The following ANKRD44 variants were observed in gnomAD, a reference collection of about 807,000 sequenced individuals.
The protein encoded by ANKRD44 is ankyrin repeat domain 44.
Under a neutral mutation model 116.0 loss-of-function variants are expected in ANKRD44, and 35 were observed. The ratio of observed to expected loss-of-function variants is 0.30; its 90% CI spans 0.23 to 0.40. The LOEUF (loss-of-function observed/expected upper bound fraction) is 0.40, where lower values mean the gene tolerates loss of function less well. Among genes scored for constraint, ANKRD44 ranks in the 10% least tolerant of loss-of-function variants. ANKRD44 has a pLI of 1.00. For synonymous variants in ANKRD44, 435 were observed against 461.8 expected (o/e 0.94, Z 0.74); for missense variants, 1,014 against 1,242.6 (o/e 0.82, Z 2.77).
At chr2:197,244,298 G>A (rs1336084852) in intron 1 of ANKRD44, among the ~76,000 whole-genome samples, 2 of 152,192 alleles carry the variant, frequency 1.3e-5, no homozygotes, top group African/African-American at 4.8e-5. Flanking sequence ...TGGGAAAATT[G>A]AGTTAAATTT....
At position 197,231,111 on chromosome 2, in the gene ANKRD44, C is replaced by T. The variant is rs374078687; in HGVS notation, c.28-44005G>A. Among the ~76,000 whole-genome samples the T allele has an allele frequency of 1.1e-4, 17 of 152,210 alleles. No individual in the cohort carries two copies. The South Asian group carries it at 2.7e-3, about 24-fold the overall frequency. On this transcript the variant is annotated intron_variant, in intron 1 of 27. Coordinates refer to ENST00000282272, the MANE Select transcript of ANKRD44 (RefSeq NM_001195144.2). ...CCTTTACCTAAGTCACTGGCAGATG[C>T]GGTGCTTCTTACGGATAAATCAATC...
At chr2:197,002,299 C>T (rs766553858) in intron 21 of ANKRD44, among the ~76,000 whole-genome samples, 1 of 152,172 alleles carries the variant, frequency 6.6e-6, no homozygotes, top group Non-Finnish European at 1.5e-5. Flanking sequence ...TGAAAATTGA[C>T]TATAAAATAC....
chr2:197,186,913 A>G, intron 2 of ANKRD44, 110 bp downstream of exon 2: 2 of 799,552 alleles, frequency 2.5e-6, no homozygotes. Flanking sequence ...CCTGAGAAAC[A>G]GTCTGGAGCT....
chr2:197,147,762 T>G, intron 2 of ANKRD44: 1 of 380,080 alleles, frequency 2.6e-6, no homozygotes, highest in Non-Finnish European at 5.2e-6. Context: ...TAGATACACA[T>G]GAGATTATTT....
At chr2:197,287,444 A>C (rs1195888837) in intron 1 of ANKRD44, among the ~76,000 whole-genome samples, 1 of 152,192 alleles carries the variant, frequency 6.6e-6, no homozygotes, top group Non-Finnish European at 1.5e-5. Flanking sequence ...TACTTGGCAG[A>C]GAGGACGTGT....
chr2:197,294,444 C>T (rs1451773663), intron 1 of ANKRD44, among the ~76,000 whole-genome samples: 1 of 152,082 alleles, frequency 6.6e-6, no homozygotes, highest in East Asian at 1.9e-4. Flanking sequence ...AACAGAACTC[C>T]AGGCCTAGGA....
At chr2:197,188,007 C>A (rs927951810) in intron 1 of ANKRD44, among the ~76,000 whole-genome samples, 3 of 151,990 alleles carry the variant, frequency 2.0e-5, no homozygotes, top group Admixed American at 6.6e-5. Context: ...GCCACCGGAA[C>A]ACTTTTGTGT....
chr2:197,180,054 C>T (rs2080465517), intron 2 of ANKRD44, among the ~76,000 whole-genome samples: 1 of 152,052 alleles, frequency 6.6e-6, no homozygotes, highest in Non-Finnish European at 1.5e-5. Flanking sequence ...CATCAGCTTT[C>T]CTCCACCTCC....
chr2:197,263,483 C>A, intron 1 of ANKRD44: 1 of 400,606 alleles, frequency 2.5e-6, no homozygotes, highest in South Asian at 3.3e-5. Context: ...CTCTAGGAAA[C>A]CATGGGGCTC....
chr2:197,246,740 G>A (rs1042824678), intron 1 of ANKRD44, among the ~76,000 whole-genome samples: 2 of 152,084 alleles, frequency 1.3e-5, no homozygotes, highest in African/African-American at 2.4e-5. Context: ...TCGGAGTGAC[G>A]TTCATGCATT....
chr2:197,296,581 A>C (rs191564280), intron 1 of ANKRD44: 3 of 152,310 alleles, frequency 2.0e-5, no homozygotes, highest in Admixed American at 2.0e-4. Context: ...CTCTAAAAGA[A>C]TAAATAAATA....
intron 21 of ANKRD44, among the ~76,000 whole-genome samples, chr2:196,969,388 C>G (rs773918664): frequency 1.3e-5 from 2 of 151,958 alleles, no homozygotes; most frequent in Non-Finnish European, 1.5e-5. Context: ...TTCACCAGAC[C>G]CTTGCATTTT....
chr2:196,995,538 T>G (rs2075997558), intron 25 of ANKRD44, 77 bp from the exon 26 acceptor site: 2 of 1,116,924 alleles, frequency 1.8e-6, no homozygotes, highest in Non-Finnish European at 2.6e-6. Context: ...TCATTATGAT[T>G]TAAATTGAAA....
At chr2:197,111,189 AC>A (rs1369295400) in intron 8 of ANKRD44, among the ~76,000 whole-genome samples, 1 of 152,194 alleles carries the variant, frequency 6.6e-6, no homozygotes, top group Non-Finnish European at 1.5e-5. Flanking sequence ...GTTATCTGAA[AC>A]CTTTATTCCT....
intron 21 of ANKRD44, among the ~76,000 whole-genome samples, chr2:196,978,357 G>GT (rs2075774908): frequency 6.6e-6 from 1 of 152,156 alleles, no homozygotes. Flanking sequence ...CATGCTTCCT[G>GT]TACAGCCTGC....
downstream of ANKRD44, among the ~76,000 whole-genome samples, chr2:196,982,730 T>C (rs573368495): frequency 1.3e-5 from 2 of 152,352 alleles, no homozygotes; most frequent in Admixed American, 6.5e-5. Context: ...GGCTACCTAA[T>C]TGGTCACTAG....
chr2:197,088,977 C>T, intron 11 of ANKRD44: 1 of 436,670 alleles, frequency 2.3e-6, no homozygotes. Context: ...ACCGTGAAGT[C>T]AAGAAGGATT....
intron 26 of ANKRD44, among the ~76,000 whole-genome samples, chr2:196,993,875 ATCTTGCTGCAGATATTACAAATAT>A (rs769967635): frequency 9.2e-5 from 14 of 152,218 alleles, no homozygotes; most frequent in Non-Finnish European, 1.8e-4. Context: ...TTTGGCCCAG[ATCTTGCTGCAGATATTACAAATAT>A]TCTGCATCTC....
chr2:197,263,282 A>G (rs2697281), intron 1 of ANKRD44: 520,672 of 624,374 alleles, frequency 0.83, 217,632 homozygotes, highest in South Asian at 0.9. Context: ...CCCTGGCCGC[A>G]GCTTGGAAAG....
Sources: gnomAD v4.1 joint callset for allele counts (sites outside exome capture counted in the v4.1 genomes callset) on GRCh38, gnomAD v4.1.1 for gene constraint, MANE v1.5 for transcripts, NCBI Gene and HGNC (gene_info 2026-07-23, HGNC 2026-07-21) for gene names.